The following CAB39 variants were observed in gnomAD, a reference collection of about 807,000 sequenced individuals.
CAB39 encodes the protein calcium-binding protein 39.
Under a neutral mutation model 40.0 loss-of-function variants are expected in CAB39, and 8 were observed. That is an observed-to-expected ratio of 0.20 (90% CI 0.12 to 0.36). The LOEUF (loss-of-function observed/expected upper bound fraction) is 0.36, where lower values mean the gene tolerates loss of function less well. Ranked by LOEUF, CAB39 falls within the 10% of genes least tolerant of loss-of-function variation. The probability of loss-of-function intolerance (pLI) is 1.00; values close to 1 mark genes in which losing one functional copy is unlikely to be tolerated. For synonymous variants in CAB39, 156 were observed against 141.6 expected, an observed-to-expected ratio of 1.10 and a Z score of -0.72; for missense variants, 270 against 401.1, an observed-to-expected ratio of 0.67 and a Z score of 2.79.
At chr2:230,753,257 A>T (rs1695120897) in intron 1 of CAB39, among the ~76,000 whole-genome samples, 1 of 152,172 alleles carries the variant, frequency 6.6e-6, no homozygotes, top group African/African-American at 2.4e-5. Context: ...TTCATTTTAT[A>T]TGAAAGTAAT....
intron 8 of CAB39, chr2:230,818,247 A>G (rs1696437796): frequency 2.2e-6 from 1 of 452,178 alleles, no homozygotes; most frequent in Non-Finnish European, 3.9e-6. Flanking sequence ...TGCCCATTTT[A>G]TTCTAAAATC....
Position 230,819,157 on chromosome 2 carries a change from C to T in CAB39, c.*453C>T, listed in dbSNP as rs994774369. On this transcript the variant is annotated 3_prime_UTR_variant, in exon 9 of 9. Coordinates refer to ENST00000258418, the MANE Select transcript of CAB39 (RefSeq NM_016289.4). ...GCACCTTCGCTGAAGGAAGATGACG[C>T]AGAGCTTTATCTGAAATCAGAGGGG... 6.5e-6 allele frequency: 1 copy of T among 152,752 alleles called. No homozygotes were observed. The highest frequency in any genetic ancestry group is 2.4e-5 in the African/African-American group (1 of 41,458). 9.5% of individuals were successfully genotyped at this position (152,752 alleles called of 1,614,324 possible). A position where few individuals can be genotyped will look rare whatever the true frequency, so the allele number is the denominator to read the frequency against.
intron 1 of CAB39, among the ~76,000 whole-genome samples, chr2:230,737,327 G>T (rs1398039499): frequency 2.0e-5 from 3 of 152,112 alleles, no homozygotes; most frequent in African/African-American, 7.2e-5. Flanking sequence ...AAACTTCAGT[G>T]CCTGGATTGC....
chr2:230,759,497 A>C (rs1433089078), intron 1 of CAB39, among the ~76,000 whole-genome samples: 1 of 152,184 alleles, frequency 6.6e-6, no homozygotes. Context: ...GACAGATCTG[A>C]GCTTGTTTGA....
intron 7 of CAB39, among the ~76,000 whole-genome samples, chr2:230,815,928 C>A (rs1696392702): frequency 6.6e-6 from 1 of 152,190 alleles, no homozygotes; most frequent in South Asian, 2.1e-4. Context: ...ATATTTATGT[C>A]GCCAGCAAAT....
intron 1 of CAB39, among the ~76,000 whole-genome samples, chr2:230,738,282 A>G (rs907658481): frequency 1.3e-5 from 2 of 152,228 alleles, no homozygotes; most frequent in Admixed American, 1.3e-4. Flanking sequence ...CTTATCATTC[A>G]TGCCATTTAG....
At chr2:230,783,494 G>A (rs1033972558) in intron 2 of CAB39, among the ~76,000 whole-genome samples, 2 of 98,590 alleles carry the variant, frequency 2.0e-5, no homozygotes, top group African/African-American at 6.6e-5. Context: ...TTTGAGACAG[G>A]GTCTTGCTCT....
intron 1 of CAB39, among the ~76,000 whole-genome samples, chr2:230,739,581 G>A (rs984919553): frequency 1.1e-4 from 16 of 152,176 alleles, no homozygotes; most frequent in African/African-American, 3.9e-4. Flanking sequence ...CACAACCTCC[G>A]CCTCCCGGGT....
At chr2:230,783,603 A>G (rs1559609473) in intron 2 of CAB39, among the ~76,000 whole-genome samples, 1 of 144,142 alleles carries the variant, frequency 6.9e-6, no homozygotes, top group South Asian at 2.3e-4. Flanking sequence ...GGCTCAAGCA[A>G]TCCTCCCACC....
chr2:230,818,414 C>G (rs2124989082), intron 8 of CAB39, 102 bp from the exon 9 acceptor site: 1 of 906,516 alleles, frequency 1.1e-6, no homozygotes, highest in Non-Finnish European at 1.7e-6. Flanking sequence ...TCAGCGCCAT[C>G]CCAGGAGAGC....
chr2:230,753,698 C>T (rs1298464135), intron 1 of CAB39, among the ~76,000 whole-genome samples: 1 of 148,050 alleles, frequency 6.8e-6, no homozygotes, highest in Non-Finnish European at 1.5e-5. Flanking sequence ...AAGCTGAGAT[C>T]GCACCACTGC....
chr2:230,773,314 A>ATATATGTGTGTGTGTGTGTGTG (rs371297550), intron 2 of CAB39, among the ~76,000 whole-genome samples: 4 of 132,632 alleles, frequency 3.0e-5, no homozygotes, highest in African/African-American at 1.2e-4. Flanking sequence ...ATATATATAT[A>ATATATGTGTGTGTGTGTGTGTG]TGTGTGTGTG....
In CAB39 at chr2:230,818,998, G is replaced by T. The variant is rs573687514; in HGVS notation, c.*294G>T. 1.4e-5 allele frequency: 4 copies of T among 292,580 alleles called. No individual in the cohort carries two copies. The highest frequency in any genetic ancestry group is 2.6e-5 in the Non-Finnish European group (4 of 151,518). The allele number at this position is 292,580 out of a possible 1,614,324, so 18.1% of individuals were successfully genotyped here. A position where few individuals can be genotyped will look rare whatever the true frequency, so the allele number is the denominator to read the frequency against. On this transcript the variant is annotated 3_prime_UTR_variant, in exon 9 of 9. Transcript: ENST00000258418. ...CATGAAGGCAAATGTATGGATGAGA[G>T]TGTGGTTTAGGAAAGAGGGCACTGA... is the stretch of plus-strand genomic sequence containing the variant.
chr2:230,762,785 A>G (rs1202415450), intron 2 of CAB39, among the ~76,000 whole-genome samples: 1 of 152,228 alleles, frequency 6.6e-6, no homozygotes, highest in Non-Finnish European at 1.5e-5. Flanking sequence ...TATAATACTC[A>G]ATAAGATGAA....
At chr2:230,806,357 G>C (rs1696193789) in intron 5 of CAB39, among the ~76,000 whole-genome samples, 1 of 152,160 alleles carries the variant, frequency 6.6e-6, no homozygotes, top group South Asian at 2.1e-4. Context: ...GTATGATAAT[G>C]TGTTCCCCAG....
chr2:230,800,730 CT>C (rs780098392), intron 5 of CAB39, among the ~76,000 whole-genome samples: 3 of 152,142 alleles, frequency 2.0e-5, no homozygotes, highest in Admixed American at 6.5e-5. Flanking sequence ...AGCAAGACCC[CT>C]GACCCCGTCA....
intron 5 of CAB39, among the ~76,000 whole-genome samples, chr2:230,803,553 C>T (rs1182342470): frequency 1.3e-5 from 2 of 152,206 alleles, no homozygotes; most frequent in African/African-American, 4.8e-5. Flanking sequence ...GCAACTTCAG[C>T]AAAGTCTCAG....
chr2:230,800,073 G>A (rs1696061354), intron 5 of CAB39, among the ~76,000 whole-genome samples: 1 of 151,818 alleles, frequency 6.6e-6, no homozygotes, highest in South Asian at 2.1e-4. Context: ...TTAGCATACT[G>A]ATATGCAGAC....
chr2:230,785,104 G>A (rs1335566563), intron 2 of CAB39, among the ~76,000 whole-genome samples: 2 of 152,194 alleles, frequency 1.3e-5, no homozygotes, highest in African/African-American at 4.8e-5. Context: ...AGCTAGGAGA[G>A]CTGATTTGGA....
Sources: gnomAD v4.1 joint callset for allele counts (sites outside exome capture counted in the v4.1 genomes callset) on GRCh38, gnomAD v4.1.1 for gene constraint, MANE v1.5 for transcripts, NCBI Gene and HGNC (gene_info 2026-07-23, HGNC 2026-07-21) for gene names.